The following MSRA variants were observed in gnomAD, a reference collection of about 807,000 sequenced individuals.
MSRA encodes the protein methionine sulfoxide reductase A.
A neutral mutation model predicts 31.3 loss-of-function variants in MSRA; 54 were observed. The ratio of observed to expected loss-of-function variants is 1.73; its 90% CI spans 1.39 to 2.17. The LOEUF (loss-of-function observed/expected upper bound fraction) is 2.17. Ranked by LOEUF, MSRA falls within the 30% of genes most tolerant of loss-of-function variation. The pLI is 0.00. For synonymous variants in MSRA, 169 were observed against 116.5 expected, an observed-to-expected ratio of 1.45 and a Z score of -2.90; for missense variants, 507 against 300.9, an observed-to-expected ratio of 1.69 and a Z score of -5.07.
At chr8:10,166,138 C>T (rs1024059935) in intron 1 of MSRA, among the ~76,000 whole-genome samples, 3 of 152,140 alleles carry the variant, frequency 2.0e-5, no homozygotes, top group Admixed American at 2.0e-4. Context: ...TCTGGAGAGC[C>T]AGGGCAGTCT....
chr8:10,194,691 T>G (rs548781199), intron 1 of MSRA, among the ~76,000 whole-genome samples: 8 of 152,274 alleles, frequency 5.3e-5, no homozygotes, highest in Middle Eastern at 3.4e-3. Context: ...TGGGTTGCAG[T>G]TTTTCTACCA....
At chr8:10,339,605 G>C (rs542196934) in intron 5 of MSRA, among the ~76,000 whole-genome samples, 1 of 133,604 alleles carries the variant, frequency 7.5e-6, no homozygotes, top group Admixed American at 8.6e-5. Flanking sequence ...GCAGTGATGC[G>C]ATCTTGGCTC....
At chr8:10,285,125 G>A (rs958761106) in intron 3 of MSRA, among the ~76,000 whole-genome samples, 3 of 151,200 alleles carry the variant, frequency 2.0e-5, no homozygotes, top group Non-Finnish European at 4.4e-5. Flanking sequence ...TCCCTTCGTC[G>A]TGCAGTCATC....
chr8:10,198,623 C>G (rs1272287890), intron 1 of MSRA, among the ~76,000 whole-genome samples: 1 of 152,094 alleles, frequency 6.6e-6, no homozygotes, highest in Non-Finnish European at 1.5e-5. Flanking sequence ...TTTTGACATT[C>G]TTGGTTGGTT....
chr8:10,116,042 C>G (rs57986214), intron 1 of MSRA, among the ~76,000 whole-genome samples: 1 of 152,162 alleles, frequency 6.6e-6, no homozygotes. Context: ...AACCACTGCT[C>G]TGAGTTGGAG....
chr8:10,226,517 A>T (rs1811014148), intron 2 of MSRA, among the ~76,000 whole-genome samples: 1 of 152,186 alleles, frequency 6.6e-6, no homozygotes, highest in Non-Finnish European at 1.5e-5. Flanking sequence ...CACCTACTGC[A>T]GTGTCATGGT....
At chr8:10,164,684 T>C (rs1047641409) in intron 1 of MSRA, among the ~76,000 whole-genome samples, 1 of 152,172 alleles carries the variant, frequency 6.6e-6, no homozygotes, top group African/African-American at 2.4e-5. Context: ...AGAAGGACTT[T>C]AAAAAATGTT....
chr8:10,380,339 G>A (rs989107591), intron 5 of MSRA, among the ~76,000 whole-genome samples: 1 of 152,230 alleles, frequency 6.6e-6, no homozygotes, highest in Non-Finnish European at 1.5e-5. Flanking sequence ...GAGGAGGCCT[G>A]GCGTTTGGGT....
At chr8:10,381,412 T>A (rs11249995) in intron 5 of MSRA, among the ~76,000 whole-genome samples, 4 of 152,028 alleles carry the variant, frequency 2.6e-5, no homozygotes, top group African/African-American at 9.7e-5. Context: ...AGAAAGGACA[T>A]GTCCTGAAGA....
intron 5 of MSRA, among the ~76,000 whole-genome samples, chr8:10,415,266 A>G (rs769809864): frequency 6.6e-6 from 1 of 152,154 alleles, no homozygotes; most frequent in Non-Finnish European, 1.5e-5. Flanking sequence ...CCTTGCATCT[A>G]GGAAGTTATG....
At chr8:10,156,815 T>C (rs1804193193) in intron 1 of MSRA, among the ~76,000 whole-genome samples, 1 of 151,348 alleles carries the variant, frequency 6.6e-6, no homozygotes, top group Non-Finnish European at 1.5e-5. Context: ...ATTCCTTTTT[T>C]TTTTTTTTTT....
At chr8:10,108,620 A>C (rs1800056115) in intron 1 of MSRA, among the ~76,000 whole-genome samples, 1 of 152,128 alleles carries the variant, frequency 6.6e-6, no homozygotes, top group African/African-American at 2.4e-5. Context: ...AAACACCCCG[A>C]GGAAGTTTGC....
At chr8:10,387,716 G>C (rs531973715) in intron 5 of MSRA, among the ~76,000 whole-genome samples, 1 of 152,344 alleles carries the variant, frequency 6.6e-6, no homozygotes, top group East Asian at 1.9e-4. Context: ...GAAAAAGCCT[G>C]TCTGGGCATG....
At chr8:10,123,953 T>A (rs895617630) in intron 1 of MSRA, among the ~76,000 whole-genome samples, 1 of 151,256 alleles carries the variant, frequency 6.6e-6, no homozygotes, top group Non-Finnish European at 1.5e-5. Flanking sequence ...CAGCCTCAAG[T>A]GGAAGTCTCG....
At chr8:10,156,082 G>A (rs1277557063) in intron 1 of MSRA, among the ~76,000 whole-genome samples, 1 of 152,176 alleles carries the variant, frequency 6.6e-6, no homozygotes, top group African/African-American at 2.4e-5. Context: ...CCTGGGAAGA[G>A]TGGCTTCGAT....
intron 4 of MSRA, among the ~76,000 whole-genome samples, chr8:10,307,487 C>T (rs563901067): frequency 6.6e-6 from 1 of 152,218 alleles, no homozygotes; most frequent in South Asian, 2.1e-4. Flanking sequence ...TTTTATGGAT[C>T]CTCCAGTGAT....
chr8:10,385,598 A>C (rs1007685486), intron 5 of MSRA, among the ~76,000 whole-genome samples: 2 of 152,026 alleles, frequency 1.3e-5, no homozygotes, highest in Non-Finnish European at 2.9e-5. Context: ...TGTGGTAAGG[A>C]GATTAGGAGG....
chr8:10,287,683 C>G (rs1260080153), intron 3 of MSRA, among the ~76,000 whole-genome samples: 1 of 152,158 alleles, frequency 6.6e-6, no homozygotes, highest in Non-Finnish European at 1.5e-5. Context: ...GTTAAAATAA[C>G]GACAGGCAAA....
At chr8:10,243,296 A>C (rs1797433970) in intron 2 of MSRA, among the ~76,000 whole-genome samples, 1 of 152,122 alleles carries the variant, frequency 6.6e-6, no homozygotes, top group Admixed American at 6.5e-5. Flanking sequence ...CTCTGCACAG[A>C]TCCTGGAGCT....
Sources: allele counts gnomAD v4.1 joint callset (sites outside exome capture counted in the v4.1 genomes callset), GRCh38; gene constraint gnomAD v4.1.1; transcripts MANE v1.5; gene names NCBI Gene and HGNC (gene_info 2026-07-23, HGNC 2026-07-21).